The following PCDHGA3 variants were observed in gnomAD, a reference collection of about 807,000 sequenced individuals.
The protein encoded by PCDHGA3 is protocadherin gamma-A3.
Under a neutral mutation model 58.5 loss-of-function variants are expected in PCDHGA3, and 40 were observed. The observed-to-expected ratio is 0.68, with a 90% CI of 0.53 to 0.89. PCDHGA3 has a LOEUF of 0.89. PCDHGA3 is among the 40% of genes least tolerant of loss of function. The pLI is 0.00. For missense variants in PCDHGA3, 1,223 were observed against 1,195.9 expected (o/e 1.02, Z -0.33); for synonymous variants, 530 against 525.7 (o/e 1.01, Z -0.11).
chr5:141,414,752 A>G (rs1339630983), intron 1 of PCDHGA3: 9 of 1,614,110 alleles, frequency 5.6e-6, no homozygotes, highest in Non-Finnish European at 7.6e-6. Flanking sequence ...TCCTTCGACT[A>G]TGAGCAGTTT....
rs1378140695 is a variant in PCDHGA3, at chr5:141,485,189, A to G, written c.2425-9618A>G. On this transcript the variant is annotated intron_variant, in intron 1 of 3. Transcript: ENST00000253812. The surrounding 1 kb of genome is among the most constrained non-coding windows in gnomAD (Gnocchi z 5.7). ...GGCGGCAGCAATGCTCCGCAAGGTGAGAAGCTGGACAGAAATCTGGCGGTG... is the reference window on the plus strand; with the variant it reads ...GGCGGCAGCAATGCTCCGCAAGGTGGGAAGCTGGACAGAAATCTGGCGGTG... 1 of 1,613,726 alleles carries G rather than the reference A, an allele frequency of 6.2e-7. No homozygotes were observed. The highest frequency in any genetic ancestry group is 1.7e-5 in the Admixed American group (1 of 60,020).
At chr5:141,361,689 C>A (rs752885909) in intron 1 of PCDHGA3, 20 of 1,613,502 alleles carry the variant, frequency 1.2e-5, no homozygotes, top group Non-Finnish European at 1.7e-5. Flanking sequence ...TCGCGCAGCG[C>A]GCCTTCGATC....
intron 1 of PCDHGA3, among the ~76,000 whole-genome samples, chr5:141,469,189 T>C (rs1393685141): frequency 2.6e-5 from 4 of 151,710 alleles, no homozygotes; most frequent in African/African-American, 9.7e-5. Flanking sequence ...GGCAAGAGGA[T>C]TGCTTGAGCC....
chr5:141,351,872 C>T (rs1286128393), intron 1 of PCDHGA3: 12 of 1,613,296 alleles, frequency 7.4e-6, no homozygotes, highest in Non-Finnish European at 1.0e-5. Context: ...CTCCCCCGCG[C>T]TCAGCGCCAA....
intron 1 of PCDHGA3, among the ~76,000 whole-genome samples, chr5:141,461,151 C>A (rs1424467673): frequency 6.6e-6 from 1 of 152,022 alleles, no homozygotes; most frequent in African/African-American, 2.4e-5. Context: ...TGGGTAGATA[C>A]CCAATAGTGG....
At chr5:141,357,171 C>A (rs1043830490) in intron 1 of PCDHGA3, 1 of 1,613,704 alleles carries the variant, frequency 6.2e-7, no homozygotes. Context: ...TCTCGGCCAC[C>A]GTCACACTCA....
At chr5:141,379,573 G>C (rs1470548160) in intron 1 of PCDHGA3, 1 of 152,120 alleles carries the variant, frequency 6.6e-6, no homozygotes, top group Non-Finnish European at 1.5e-5. Context: ...GATCAGGCTG[G>C]TTTATTTTAT....
rs763582836 is a variant in PCDHGA3 at position 141,404,442 on chromosome 5, A to G, written c.2424+57985A>G. Reference sequence around the variant, plus strand: ...TACTCCTTGGCAGAGGATACCATCCAAGGGTCTCCTCTCTCCACCTATGTC... The same window carrying G: ...TACTCCTTGGCAGAGGATACCATCCGAGGGTCTCCTCTCTCCACCTATGTC... On this transcript the variant is annotated intron_variant, in intron 1 of 3. Transcript: ENST00000253812. 21 of 1,610,906 alleles carry G rather than the reference A, an allele frequency of 1.3e-5. No homozygotes were observed. In the Admixed American group the frequency reaches 3.5e-4, roughly 27 times the overall value.
rs1591227595 is a variant in PCDHGA3 at position 141,432,858 on chromosome 5, T to C, written c.2425-61949T>C. ...TACCTGGTGGTAGCGGTGGCCGCGG[T>C]CTCCTGCGTCTTCCTGGCCTTCGTC... On this transcript the variant is annotated intron_variant, in intron 1 of 3. Coordinates refer to ENST00000253812, the MANE Select transcript of PCDHGA3 (RefSeq NM_018916.4). This position sits in a 1 kb window ranked among gnomAD's most constrained non-coding sequence, Gnocchi z 6.0. The C allele has an allele frequency of 1.2e-6, 2 of 1,614,140 alleles. No individual in the cohort carries two copies. Among genetic ancestry groups the C allele is most frequent in the Non-Finnish European group, 8.5e-7 (1 of 1,179,996 alleles).
intron 1 of PCDHGA3, chr5:141,405,545 A>G (rs952875482): frequency 1.6e-6 from 1 of 631,162 alleles, no homozygotes; most frequent in South Asian, 2.0e-5. Flanking sequence ...TCAGCCTCCC[A>G]AGTAGAGTAG....
rs79201149 is a variant in PCDHGA3, at chr5:141,386,596, T to C, written c.2424+40139T>C. Among the ~76,000 whole-genome samples, 402 of 139,140 alleles carry C rather than the reference T, an allele frequency of 2.9e-3. 2 individuals are homozygous for C. Among genetic ancestry groups the C allele is most frequent in the Non-Finnish European group, 4.9e-3 (319 of 65,706 alleles). The allele number at this position is 139,140 out of a possible 152,430, so 91.3% of individuals were successfully genotyped here. A position where few individuals can be genotyped will look rare whatever the true frequency, so the allele number is the denominator to read the frequency against. Reference sequence around the variant, plus strand: ...TCTGTACAATAGTGTGGGGGATACATTTTTTTTTTTTGACATGGAGTCTCG... The same window carrying C: ...TCTGTACAATAGTGTGGGGGATACACTTTTTTTTTTTGACATGGAGTCTCG... On this transcript the variant is annotated intron_variant, in intron 1 of 3. Transcript: ENST00000253812.
intron 1 of PCDHGA3, among the ~76,000 whole-genome samples, chr5:141,443,479 C>G (rs1285767691): frequency 6.6e-6 from 1 of 152,144 alleles, no homozygotes; most frequent in African/African-American, 2.4e-5. Context: ...GAATTAGACC[C>G]TGTCCCAAAA....
rs1243112302 is a variant in PCDHGA3, at chr5:141,476,738, C to G, written c.2425-18069C>G. 6.2e-7 allele frequency: 1 copy of G among 1,614,076 alleles called. No homozygotes were observed. Among genetic ancestry groups the G allele is most frequent in the Non-Finnish European group, 8.5e-7 (1 of 1,180,028 alleles). On this transcript the variant is annotated intron_variant, in intron 1 of 3. Transcript: ENST00000253812. This position sits in a 1 kb window ranked among gnomAD's most constrained non-coding sequence, Gnocchi z 7.6. ...GCGCGCCCTGGACCGAGAACGGGAG[C>G]CTAGTCTCCAGTTAGTGCTGACGGC...
At chr5:141,383,985 T>C (rs924124642) in intron 1 of PCDHGA3, 1 of 1,613,822 alleles carries the variant, frequency 6.2e-7, no homozygotes, top group African/African-American at 1.3e-5. Flanking sequence ...ACACACCTCT[T>C]GGGACAGTCA....
Position 141,489,866 on chromosome 5 carries a change from A to AGCTGGT in PCDHGA3, c.2425-4937_2425-4932dup. ...GATCGTGAAGCCCAGGCAAGACATC[A>AGCTGGT]GCTGGTGCTTACTGCTGTGGATGGG... On this transcript the variant is annotated intron_variant, in intron 1 of 3. Coordinates refer to ENST00000253812, the MANE Select transcript of PCDHGA3 (RefSeq NM_018916.4). The surrounding 1 kb of genome is among the most constrained non-coding windows in gnomAD (Gnocchi z 4.5). The AGCTGGT allele has an allele frequency of 1.2e-6, 2 of 1,614,220 alleles. No individual in the cohort carries two copies. The highest frequency in any genetic ancestry group is 1.7e-6 in the Non-Finnish European group (2 of 1,180,018).
chr5:141,389,478 G>C (rs764977787), intron 1 of PCDHGA3: 1 of 1,613,150 alleles, frequency 6.2e-7, no homozygotes, highest in Non-Finnish European at 8.5e-7. Context: ...CACACTGCAG[G>C]CCCGCGACCA....
intron 1 of PCDHGA3, among the ~76,000 whole-genome samples, chr5:141,435,451 CTGTA>C: frequency 6.6e-6 from 1 of 152,258 alleles, no homozygotes; most frequent in Non-Finnish European, 1.5e-5. Context: ...AATACGATAT[CTGTA>C]TGTGTTTCCA....
At chr5:141,404,446 G>A (rs1211285523) in intron 1 of PCDHGA3, 2 of 1,612,974 alleles carry the variant, frequency 1.2e-6, no homozygotes, top group East Asian at 2.2e-5. Context: ...CCATCCAAGG[G>A]TCTCCTCTCT....
At chr5:141,480,702 C>T (rs1455955207) in intron 1 of PCDHGA3, among the ~76,000 whole-genome samples, 1 of 152,170 alleles carries the variant, frequency 6.6e-6, no homozygotes, top group African/African-American at 2.4e-5. Context: ...AGGCCACACC[C>T]CGACAAATGA....
Sources: allele counts gnomAD v4.1 joint callset (sites outside exome capture counted in the v4.1 genomes callset), GRCh38; gene constraint gnomAD v4.1.1; non-coding constraint Gnocchi (gnomAD v3.1); transcripts MANE v1.5; gene names NCBI Gene and HGNC (gene_info 2026-07-23, HGNC 2026-07-21).